MARCHF1: variants seen among roughly 807,000 people sequenced by gnomAD.
MARCHF1 encodes E3 ubiquitin-protein ligase MARCHF1.
Under a neutral mutation model 54.2 loss-of-function variants are expected in MARCHF1, and 40 were observed. That is an observed-to-expected ratio of 0.74 (90% CI 0.57 to 0.96). The LOEUF is 0.96. Ranked by LOEUF, MARCHF1 falls within the 40% of genes least tolerant of loss-of-function variation. The pLI, the probability that MARCHF1 is intolerant of heterozygous loss-of-function variation, is 0.00. For synonymous variants in MARCHF1, 236 were observed against 236.3 expected (o/e 1.00, Z 0.01); for missense variants, 586 against 656.5 (o/e 0.89, Z 1.17).
intron 3 of MARCHF1, among the ~76,000 whole-genome samples, chr4:163,910,193 T>C (rs924819778): frequency 1.3e-5 from 2 of 152,136 alleles, no homozygotes; most frequent in African/African-American, 4.8e-5. Context: ...ATAACTAAAT[T>C]ATATACAAAT....
chr4:164,190,542 T>C (rs1238039624), intron 1 of MARCHF1, among the ~76,000 whole-genome samples: 2 of 151,938 alleles, frequency 1.3e-5, no homozygotes, highest in East Asian at 3.9e-4. Context: ...GAATTGGCCA[T>C]CTTAAAAAGT....
At chr4:163,648,567 G>T (rs1742845240) in intron 5 of MARCHF1, among the ~76,000 whole-genome samples, 1 of 141,160 alleles carries the variant, frequency 7.1e-6, no homozygotes, top group African/African-American at 2.6e-5. Flanking sequence ...CCTAGTAATA[G>T]TACCCCCATT....
intron 4 of MARCHF1, among the ~76,000 whole-genome samples, chr4:163,736,503 C>A (rs867009290): frequency 8.2e-6 from 1 of 121,878 alleles, no homozygotes; most frequent in African/African-American, 3.2e-5. Context: ...CAGTTGACTT[C>A]TGGTAGCTGA....
At chr4:164,217,859 C>T (rs374943800) in intron 1 of MARCHF1, among the ~76,000 whole-genome samples, 6 of 151,926 alleles carry the variant, frequency 3.9e-5, no homozygotes, top group Admixed American at 1.3e-4. Context: ...GAATTGCCCT[C>T]GCCCTGAGTG....
intron 1 of MARCHF1, among the ~76,000 whole-genome samples, chr4:164,330,690 G>C (rs1735412817): frequency 6.6e-6 from 1 of 152,128 alleles, no homozygotes; most frequent in Non-Finnish European, 1.5e-5. Flanking sequence ...GGCAGTAGGG[G>C]TCCTTTGAAA....
chr4:163,637,485 T>A (rs1280764229), intron 5 of MARCHF1, among the ~76,000 whole-genome samples: 1 of 152,160 alleles, frequency 6.6e-6, no homozygotes, highest in Non-Finnish European at 1.5e-5. Context: ...AAAAAACATA[T>A]GAAATAATGC....
At chr4:164,096,618 G>A (rs2111145187) in intron 2 of MARCHF1, among the ~76,000 whole-genome samples, 1 of 151,792 alleles carries the variant, frequency 6.6e-6, no homozygotes, top group East Asian at 1.9e-4. Context: ...CTCTTTGTAA[G>A]GAATATGTAA....
intron 1 of MARCHF1, among the ~76,000 whole-genome samples, chr4:164,239,345 A>C (rs1732659039): frequency 6.6e-6 from 1 of 152,116 alleles, no homozygotes; most frequent in South Asian, 2.1e-4. Context: ...CTTATTTGAT[A>C]GTTCCTACCT....
chr4:163,562,126 G>A (rs566087163), intron 8 of MARCHF1, among the ~76,000 whole-genome samples: 13 of 152,010 alleles, frequency 8.6e-5, no homozygotes, highest in Admixed American at 2.0e-4. Flanking sequence ...GTGAAACCCC[G>A]TCTCTACTAA....
At chr4:164,176,964 C>CAA in intron 1 of MARCHF1, among the ~76,000 whole-genome samples, 1 of 47,712 alleles carries the variant, frequency 2.1e-5, no homozygotes, top group Non-Finnish European at 3.6e-5. Context: ...CTCTCTCTCT[C>CAA]TCTCTCTCTC....
At chr4:164,285,633 G>A (rs1269072402) in intron 1 of MARCHF1, among the ~76,000 whole-genome samples, 1 of 151,074 alleles carries the variant, frequency 6.6e-6, no homozygotes, top group Non-Finnish European at 1.5e-5. Context: ...TAGTAGAGAC[G>A]GGGTTTCACC....
chr4:164,307,916 G>A (rs540076311), intron 1 of MARCHF1, among the ~76,000 whole-genome samples: 2 of 152,192 alleles, frequency 1.3e-5, no homozygotes, highest in East Asian at 3.9e-4. Context: ...TCAAAACTGT[G>A]GTGCTGTAAA....
intron 2 of MARCHF1, among the ~76,000 whole-genome samples, chr4:163,994,103 G>C (rs994291725): frequency 2.0e-5 from 3 of 152,012 alleles, no homozygotes; most frequent in Admixed American, 6.6e-5. Flanking sequence ...GTTTCGGAGG[G>C]CCAGTATGTA....
intron 1 of MARCHF1, among the ~76,000 whole-genome samples, chr4:164,263,139 CGTGTGT>C (rs148563010): frequency 1.3e-5 from 2 of 148,732 alleles, no homozygotes; most frequent in African/African-American, 4.9e-5. Context: ...TGTACGCGTG[CGTGTGT>C]GTGTGTGTGT....
chr4:163,624,103 G>A (rs1181176565), intron 5 of MARCHF1, among the ~76,000 whole-genome samples: 1 of 152,190 alleles, frequency 6.6e-6, no homozygotes, highest in Non-Finnish European at 1.5e-5. Flanking sequence ...ATATGTATAG[G>A]AAGGGCCAAT....
At chr4:163,729,008 T>A (rs1745749795) in intron 4 of MARCHF1, among the ~76,000 whole-genome samples, 1 of 152,158 alleles carries the variant, frequency 6.6e-6, no homozygotes, top group South Asian at 2.1e-4. Context: ...TTGTCAGTTT[T>A]CTTCTGTATC....
intron 1 of MARCHF1, among the ~76,000 whole-genome samples, chr4:164,361,994 G>A (rs923525737): frequency 6.6e-6 from 1 of 151,968 alleles, no homozygotes; most frequent in African/African-American, 2.4e-5. Context: ...ATACACTTAA[G>A]CTCATGGGTA....
At chr4:164,026,452 T>C (rs1166547905) in intron 2 of MARCHF1, among the ~76,000 whole-genome samples, 1 of 152,138 alleles carries the variant, frequency 6.6e-6, no homozygotes, top group Non-Finnish European at 1.5e-5. Flanking sequence ...ATAAATGTTA[T>C]TCACTACATA....
At chr4:164,213,120 C>T (rs1052902227) in intron 1 of MARCHF1, among the ~76,000 whole-genome samples, 5 of 151,736 alleles carry the variant, frequency 3.3e-5, no homozygotes, top group Non-Finnish European at 7.4e-5. Context: ...TTCTATTTCA[C>T]ATAACAGTGC....
Sources: gnomAD v4.1 joint callset for allele counts (sites outside exome capture counted in the v4.1 genomes callset) on GRCh38, gnomAD v4.1.1 for gene constraint, MANE v1.5 for transcripts, NCBI Gene and HGNC (gene_info 2026-07-23, HGNC 2026-07-21) for gene names.